ELMO1: variants seen among roughly 807,000 people sequenced by gnomAD.
The protein encoded by ELMO1 is engulfment and cell motility protein 1.
Under a neutral mutation model 98.9 loss-of-function variants are expected in ELMO1, and 26 were observed. That is an observed-to-expected ratio of 0.26 (90% CI 0.19 to 0.36). ELMO1 has a LOEUF of 0.36. Ranked by LOEUF, ELMO1 falls within the 10% of genes least tolerant of loss-of-function variation. The probability of loss-of-function intolerance (pLI) is 1.00; values close to 1 mark genes in which losing one functional copy is unlikely to be tolerated. For synonymous variants in ELMO1, 346 were observed against 346.0 expected, an observed-to-expected ratio of 1.00 and a Z score of 0.00; for missense variants, 627 against 935.2, an observed-to-expected ratio of 0.67 and a Z score of 4.30.
At chr7:37,387,121 A>G (rs1033780739) in intron 1 of ELMO1, among the ~76,000 whole-genome samples, 3 of 152,274 alleles carry the variant, frequency 2.0e-5, no homozygotes, top group Non-Finnish European at 4.4e-5. Flanking sequence ...AGAAAGAACC[A>G]GAGATGCACT....
intron 16 of ELMO1, among the ~76,000 whole-genome samples, chr7:37,011,852 CCT>C (rs1793583858): frequency 6.6e-6 from 1 of 152,214 alleles, no homozygotes; most frequent in Admixed American, 6.5e-5. Context: ...CTCCTCCTTC[CCT>C]CTTTCCCAGG....
intron 13 of ELMO1, 113 bp downstream of exon 13, chr7:37,211,273 C>A (rs1464095589): frequency 3.4e-6 from 5 of 1,470,864 alleles, no homozygotes; most frequent in Non-Finnish European, 4.6e-6. Context: ...AATGTGGAAA[C>A]TATTCCGTAA....
At chr7:36,979,417 G>A (rs751767282) in intron 16 of ELMO1, among the ~76,000 whole-genome samples, 3 of 152,198 alleles carry the variant, frequency 2.0e-5, no homozygotes, top group East Asian at 1.9e-4. Context: ...CCTCTACCCA[G>A]TTCTCAGAAA....
chr7:36,855,587 C>T lies in ELMO1; in HGVS notation c.2148G>A (p.Glu716=), dbSNP rs138633855. ...IPDAPPPIPK[E]PSNYDFVYDC... is the part of the protein sequence containing the mutation. ...CATAGACGAAGTCATAGTTGCTGGG[C>T]TCCTTGGGAATCGGCGGAGGTGCGT... Residue 716 remains glutamate, a synonymous_variant, in exon 22 of 22, where the codon GAG becomes GAA. Transcript: ENST00000310758. The surrounding 1 kb of genome is among the most constrained non-coding windows in gnomAD (Gnocchi z 4.2). 6.8e-6 allele frequency: 11 copies of T among 1,614,000 alleles called. No homozygotes were observed. The African/African-American group carries it at 9.3e-5, about 14-fold the overall frequency.
chr7:37,295,998 G>A (rs1382441995), intron 4 of ELMO1, among the ~76,000 whole-genome samples: 1 of 152,190 alleles, frequency 6.6e-6, no homozygotes, highest in Non-Finnish European at 1.5e-5. Flanking sequence ...TTCCATTGCT[G>A]TATAACAAAT....
chr7:36,937,477 C>T (rs1282997023), intron 16 of ELMO1, among the ~76,000 whole-genome samples: 2 of 152,170 alleles, frequency 1.3e-5, no homozygotes, highest in Non-Finnish European at 2.9e-5. Context: ...AACTAGGAGA[C>T]CATAACTTTC....
intron 15 of ELMO1, among the ~76,000 whole-genome samples, chr7:37,051,353 C>T (rs1427620601): frequency 6.6e-6 from 1 of 152,194 alleles, no homozygotes; most frequent in East Asian, 1.9e-4. Flanking sequence ...TCTTTAGTGA[C>T]TCTTCCTAAT....
At chr7:37,373,122 CAGGA>C (rs1395575999) in intron 1 of ELMO1, among the ~76,000 whole-genome samples, 11 of 152,206 alleles carry the variant, frequency 7.2e-5, no homozygotes, top group Non-Finnish European at 7.3e-5. Context: ...CATGGTGCAG[CAGGA>C]GACGGAATCA....
intron 1 of ELMO1, among the ~76,000 whole-genome samples, chr7:37,357,814 G>A (rs1032205447): frequency 3.3e-5 from 5 of 152,194 alleles, no homozygotes; most frequent in African/African-American, 7.2e-5. Context: ...ATGGCCATAC[G>A]GCCATACTGT....
intron 2 of ELMO1, among the ~76,000 whole-genome samples, chr7:37,328,383 CAAAAAAAAAA>C (rs10669717): frequency 6.2e-5 from 4 of 64,852 alleles, no homozygotes; most frequent in Admixed American, 2.1e-4. Context: ...GACCCTGCCA[CAAAAAAAAAA>C]AAAAAAAAAA....
At chr7:37,200,960 T>C (rs80237146) in intron 13 of ELMO1, among the ~76,000 whole-genome samples, 3 of 146,072 alleles carry the variant, frequency 2.1e-5, no homozygotes, top group Admixed American at 6.8e-5. Context: ...AAAAAAAAAA[T>C]ACAAATAAAA....
intron 15 of ELMO1, among the ~76,000 whole-genome samples, chr7:37,037,978 C>T (rs544487154): frequency 1.3e-5 from 2 of 152,128 alleles, no homozygotes; most frequent in African/African-American, 2.4e-5. Flanking sequence ...TCAGGGATCA[C>T]GGTGCCAACT....
intron 13 of ELMO1, among the ~76,000 whole-genome samples, chr7:37,170,267 G>A (rs1384440353): frequency 6.6e-6 from 1 of 152,220 alleles, no homozygotes. Context: ...CACAATGAAT[G>A]GCATCTTTCA....
chr7:36,859,321 T>C (rs1216410200), intron 21 of ELMO1, among the ~76,000 whole-genome samples: 1 of 152,230 alleles, frequency 6.6e-6, no homozygotes, highest in Non-Finnish European at 1.5e-5. Flanking sequence ...ATTGCAGTTA[T>C]GGTTTTAAAT....
chr7:37,165,984 G>A (rs954597709), intron 13 of ELMO1, among the ~76,000 whole-genome samples: 1 of 152,114 alleles, frequency 6.6e-6, no homozygotes, highest in Non-Finnish European at 1.5e-5. Flanking sequence ...TTTTTGGTTG[G>A]CCAAGCTATT....
At chr7:36,956,939 C>T (rs1252782147) in intron 16 of ELMO1, among the ~76,000 whole-genome samples, 1 of 152,190 alleles carries the variant, frequency 6.6e-6, no homozygotes, top group Non-Finnish European at 1.5e-5. Flanking sequence ...CCAAAATGCT[C>T]AGTGGCGAGC....
chr7:37,086,406 T>C (rs118019289), intron 15 of ELMO1, among the ~76,000 whole-genome samples: 1 of 150,922 alleles, frequency 6.6e-6, no homozygotes, highest in East Asian at 2.0e-4. Context: ...TGATAAAACA[T>C]ATGTGGCAAA....
chr7:37,113,448 G>A (rs1342695890), intron 14 of ELMO1, among the ~76,000 whole-genome samples: 1 of 152,242 alleles, frequency 6.6e-6, no homozygotes, highest in African/African-American at 2.4e-5. Context: ...AGGTAAGGTA[G>A]ACAGGGAGCA....
intron 18 of ELMO1, among the ~76,000 whole-genome samples, chr7:36,883,358 G>C (rs1462721244): frequency 6.6e-6 from 1 of 152,216 alleles, no homozygotes; most frequent in Non-Finnish European, 1.5e-5. Context: ...GAAGTAGGGG[G>C]CAGTTCTTGA....
Sources: gnomAD v4.1 joint callset for allele counts (sites outside exome capture counted in the v4.1 genomes callset) on GRCh38, gnomAD v4.1.1 for gene constraint, Gnocchi (gnomAD v3.1) non-coding constraint, MANE v1.5 for transcripts, NCBI Gene and HGNC (gene_info 2026-07-23, HGNC 2026-07-21) for gene names.